BNC2: variants seen among roughly 807,000 people sequenced by gnomAD.
BNC2 encodes the protein zinc finger protein basonuclin-2.
A neutral mutation model predicts 76.3 loss-of-function variants in BNC2; 20 were observed. That is an observed-to-expected ratio of 0.26 (90% CI 0.18 to 0.38). BNC2 has a LOEUF of 0.38. Ranked by LOEUF, BNC2 falls within the 10% of genes least tolerant of loss-of-function variation. The pLI is 1.00. For synonymous variants in BNC2, 582 were observed against 514.8 expected (o/e 1.13, Z -1.77); for missense variants, 1,382 against 1,399.8 (o/e 0.99, Z 0.20).
chr9:16,567,624 G>T lies in BNC2; in HGVS notation c.434-14859C>A, dbSNP rs897323942. The stretch of plus-strand genomic sequence containing the variant: ...TATTCAGATACTTTTTTTTCTTAAT[G>T]TAAGAGTATAAAAGTGCTTTTCACT... On this transcript the variant is annotated intron_variant, in intron 4 of 6. Coordinates refer to ENST00000380672, the MANE Select transcript of BNC2 (RefSeq NM_017637.6). 7.9e-5 allele frequency among the ~76,000 whole-genome samples: 12 copies of T among 152,112 alleles called. No individual in the cohort carries two copies. In the East Asian group the frequency reaches 2.1e-3, roughly 27 times the overall value.
chr9:16,698,691 T>C lies in BNC2; in HGVS notation c.330+29106A>G, dbSNP rs374786989. On this transcript the variant is annotated intron_variant, in intron 3 of 6. Coordinates refer to ENST00000380672, the MANE Select transcript of BNC2 (RefSeq NM_017637.6). ...CCTGGGCAACAAGAGCAAAACTCCA[T>C]CTCAAAAAAAAAAGCCATGATGAAT... Among the ~76,000 whole-genome samples the C allele has an allele frequency of 1.8e-3, 268 of 150,542 alleles. 2 individuals are homozygous for C. Among genetic ancestry groups the C allele is most frequent in the Middle Eastern group, 0.017 (5 of 294 alleles).
chr9:16,676,018 T>A (rs1402302965), intron 3 of BNC2, among the ~76,000 whole-genome samples: 1 of 152,100 alleles, frequency 6.6e-6, no homozygotes, highest in Non-Finnish European at 1.5e-5. Flanking sequence ...TGAGCCAAGA[T>A]TTCACCACTG....
At chr9:16,811,230 C>CAAAAAAAAAAAAAA (rs58068661) in intron 1 of BNC2, among the ~76,000 whole-genome samples, 36 of 97,500 alleles carry the variant, frequency 3.7e-4, no homozygotes, top group African/African-American at 1.2e-3. Context: ...CTCAAAAGAC[C>CAAAAAAAAAAAAAA]AAAAAAAAAA....
At chr9:16,779,948 T>A (rs1435604335) in intron 1 of BNC2, among the ~76,000 whole-genome samples, 1 of 152,166 alleles carries the variant, frequency 6.6e-6, no homozygotes, top group Non-Finnish European at 1.5e-5. Flanking sequence ...TAAAAACTAC[T>A]GAAACTGGCC....
At chr9:16,672,813 G>A (rs1258195871) in intron 3 of BNC2, among the ~76,000 whole-genome samples, 1 of 152,154 alleles carries the variant, frequency 6.6e-6, no homozygotes, top group Non-Finnish European at 1.5e-5. Context: ...AGAACACCAT[G>A]GAGTAGTGAA....
intron 3 of BNC2, among the ~76,000 whole-genome samples, chr9:16,674,949 G>C (rs899287379): frequency 6.6e-6 from 1 of 152,104 alleles, no homozygotes; most frequent in Non-Finnish European, 1.5e-5. Context: ...TAAAGTTTAA[G>C]AATCGGCATT....
intron 3 of BNC2, among the ~76,000 whole-genome samples, chr9:16,706,087 A>C (rs1823664215): frequency 6.6e-6 from 1 of 152,218 alleles, no homozygotes; most frequent in Admixed American, 6.5e-5. Flanking sequence ...AATGTTTACA[A>C]ATGTTTTTAT....
intron 5 of BNC2, among the ~76,000 whole-genome samples, chr9:16,504,070 G>A (rs2131821822): frequency 6.6e-6 from 1 of 152,006 alleles, no homozygotes; most frequent in South Asian, 2.1e-4. Context: ...GCAAATTTAA[G>A]CAAAAACACA....
intron 1 of BNC2, among the ~76,000 whole-genome samples, chr9:16,863,423 T>C (rs1362956297): frequency 2.0e-5 from 3 of 152,144 alleles, no homozygotes; most frequent in Admixed American, 6.5e-5. Context: ...AGTGGCTCAC[T>C]GTGGGATCAC....
At chr9:16,661,482 G>GT (rs34045498) in intron 3 of BNC2, among the ~76,000 whole-genome samples, 18,059 of 152,104 alleles carry the variant, frequency 0.12, 2,036 homozygotes, top group East Asian at 0.58. Context: ...CAAAGCTAAG[G>GT]TATGTATTAT....
chr9:16,728,891 T>A (rs1049044289), intron 2 of BNC2, among the ~76,000 whole-genome samples: 1 of 151,894 alleles, frequency 6.6e-6, no homozygotes, highest in East Asian at 1.9e-4. Flanking sequence ...TTCTTAAAGC[T>A]CAGAAGTAGA....
At chr9:16,727,496 A>G in intron 3 of BNC2, 1 of 332,082 alleles carries the variant, frequency 3.0e-6, no homozygotes, top group Non-Finnish European at 5.5e-6. Flanking sequence ...TCAACAGAAA[A>G]CAAAGAAATA....
intron 5 of BNC2, among the ~76,000 whole-genome samples, chr9:16,439,747 G>A (rs563136535): frequency 2.6e-4 from 40 of 152,266 alleles, no homozygotes; most frequent in African/African-American, 9.4e-4. Flanking sequence ...TGATAGTTAT[G>A]TGCCCCCCTT....
intron 3 of BNC2, among the ~76,000 whole-genome samples, chr9:16,705,943 C>CA (rs1441605715): frequency 2.0e-5 from 3 of 152,118 alleles, no homozygotes; most frequent in African/African-American, 7.2e-5. Flanking sequence ...AACAAACAAG[C>CA]AACAATATTA....
chr9:16,702,047 A>C (rs547324083), intron 3 of BNC2, among the ~76,000 whole-genome samples: 5 of 152,286 alleles, frequency 3.3e-5, no homozygotes, highest in South Asian at 2.1e-4. Context: ...CAATAAAAAG[A>C]AGCACATTAT....
rs1405189054 is a variant in BNC2, at chr9:16,854,557, A to AAT, written c.3+16087_3+16088dup. ...AGTTTCTAAGTCTTTTTTTTCTTGC[A>AAT]ATATATATCTTTTTTTCCACCATTT... On this transcript the variant is annotated intron_variant, in intron 1 of 6. Transcript: ENST00000380672. Among the ~76,000 whole-genome samples, 3 of 152,040 alleles carry AAT rather than the reference A, an allele frequency of 2.0e-5. No homozygotes were observed. In the South Asian group the frequency reaches 6.2e-4, roughly 31 times the overall value.
intron 1 of BNC2, among the ~76,000 whole-genome samples, chr9:16,857,522 C>T (rs1280488367): frequency 2.0e-5 from 3 of 147,444 alleles, no homozygotes; most frequent in Admixed American, 2.0e-4. Flanking sequence ...ATTTTAAATC[C>T]TCTACAGAAT....
At chr9:16,845,096 T>C (rs891508703) in intron 1 of BNC2, among the ~76,000 whole-genome samples, 1 of 152,188 alleles carries the variant, frequency 6.6e-6, no homozygotes, top group African/African-American at 2.4e-5. Context: ...AGGAAGTTCC[T>C]ATCAGTCGGG....
intron 3 of BNC2, among the ~76,000 whole-genome samples, chr9:16,721,741 C>A (rs1408339128): frequency 6.6e-6 from 1 of 152,160 alleles, no homozygotes; most frequent in East Asian, 1.9e-4. Context: ...AAATTTCTCT[C>A]ACTGAAAAAG....
Sources: allele counts gnomAD v4.1 joint callset (sites outside exome capture counted in the v4.1 genomes callset), GRCh38; gene constraint gnomAD v4.1.1; transcripts MANE v1.5; gene names NCBI Gene and HGNC (gene_info 2026-07-23, HGNC 2026-07-21).